The following WBP1L variants were observed in gnomAD, a reference collection of about 807,000 sequenced individuals.
The protein encoded by WBP1L is WW domain binding protein 1 like.
Under a neutral mutation model 33.7 loss-of-function variants are expected in WBP1L, and 17 were observed. The ratio of observed to expected loss-of-function variants is 0.50; its 90% CI spans 0.34 to 0.76. The LOEUF (loss-of-function observed/expected upper bound fraction) is 0.76. WBP1L is among the 30% of genes least tolerant of loss of function. The pLI, the probability that WBP1L is intolerant of heterozygous loss-of-function variation, is 0.01. For missense variants in WBP1L, 389 were observed against 469.4 expected, an observed-to-expected ratio of 0.83 and a Z score of 1.58; for synonymous variants, 173 against 190.8, an observed-to-expected ratio of 0.91 and a Z score of 0.77.
intron 1 of WBP1L, among the ~76,000 whole-genome samples, chr10:102,795,082 A>T (rs1280744935): frequency 6.6e-6 from 1 of 152,168 alleles, no homozygotes; most frequent in Non-Finnish European, 1.5e-5. Context: ...TTTCAACTTT[A>T]TGGTGGTGCA....
In WBP1L at chr10:102,775,087, C is replaced by T. The variant is rs149338785; in HGVS notation, c.91-22906C>T. 1.1e-4 allele frequency among the ~76,000 whole-genome samples: 14 copies of T among 131,998 alleles called. No individual in the cohort carries two copies. In the East Asian group the frequency reaches 1.8e-3, roughly 17 times the overall value. 86.6% of individuals were successfully genotyped at this position (131,998 alleles called of 152,430 possible). ...CCAAGATCATCACACCACTGTACTC[C>T]AGCCTGGGTAACAGAGTGAGACCCT... On this transcript the variant is annotated intron_variant, in intron 1 of 3. Coordinates refer to ENST00000448841, the MANE Select transcript of WBP1L (RefSeq NM_001083913.2).
chr10:102,744,060 A>G lies in WBP1L; in HGVS notation c.7A>G (p.Arg3Gly). The part of the protein sequence containing the change: ME[R>G]RRLLGGMALL... Reference sequence around the variant, plus strand: ...GAGCAGGAGCAGGAGGGGGATGGAGAGGAGAAGGCTCCTGGGTGGCATGGC... The same window carrying G: ...GAGCAGGAGCAGGAGGGGGATGGAGGGGAGAAGGCTCCTGGGTGGCATGGC... The change falls in exon 1 of 4, where the codon AGG becomes GGG. Residue 3 changes from arginine (R) to glycine (G), a missense_variant. Physicochemically the swap from Arg to Gly is moderately radical, Grantham distance 125. Transcript: ENST00000448841. 6.5e-7 allele frequency: 1 copy of G among 1,550,306 alleles called. No homozygotes were observed. Among genetic ancestry groups the G allele is most frequent in the Non-Finnish European group, 8.7e-7 (1 of 1,147,020 alleles).
chr10:102,758,839 G>A (rs770089020), intron 1 of WBP1L, among the ~76,000 whole-genome samples: 45 of 152,248 alleles, frequency 3.0e-4, no homozygotes, highest in Admixed American at 4.6e-4. Context: ...CAGGATAGGG[G>A]GCCCTTCCTT....
chr10:102,771,045 T>C (rs960079006), intron 1 of WBP1L, among the ~76,000 whole-genome samples: 2 of 152,188 alleles, frequency 1.3e-5, no homozygotes, highest in African/African-American at 4.8e-5. Context: ...AATAGCCACA[T>C]CATAGGGTTG....
At chr10:102,769,356 CTTTCTTTTTTT>C (rs1023530813) in intron 1 of WBP1L, among the ~76,000 whole-genome samples, 3 of 134,680 alleles carry the variant, frequency 2.2e-5, no homozygotes, top group Non-Finnish European at 5.0e-5. Context: ...TTTCTTTTTT[CTTTCTTTTTTT>C]TTTTTTTACT....
In WBP1L at chr10:102,813,422, C is replaced by A. The variant is rs1442075805; in HGVS notation, c.*91C>A. The A allele has an allele frequency of 1.4e-6, 2 of 1,457,352 alleles. No individual in the cohort carries two copies. The highest frequency in any genetic ancestry group is 1.4e-5 in the African/African-American group (1 of 70,840). The allele number at this position is 1,457,352 out of a possible 1,614,324, so 90.3% of individuals were successfully genotyped here. A position where few individuals can be genotyped will look rare whatever the true frequency, so the allele number is the denominator to read the frequency against. On this transcript the variant is annotated 3_prime_UTR_variant, in exon 4 of 4. Transcript: ENST00000448841. ...GCATTAAGTGACTTTCAAAGACTTTCAGAGTACAGCCACTTGGTTCCTTTT... is the reference window on the plus strand; with the variant it reads ...GCATTAAGTGACTTTCAAAGACTTTAAGAGTACAGCCACTTGGTTCCTTTT...
At chr10:102,744,424 G>A in intron 1 of WBP1L, 2 of 985,380 alleles carry the variant, frequency 2.0e-6, no homozygotes, top group South Asian at 9.4e-5. Context: ...CTGGATAGCG[G>A]TGCCAAGCTG....
At chr10:102,784,649 C>T (rs973461399) in intron 1 of WBP1L, among the ~76,000 whole-genome samples, 38 of 151,788 alleles carry the variant, frequency 2.5e-4, no homozygotes, top group South Asian at 4.1e-4. Context: ...ATGGTCTCGA[C>T]CTCCTGATCT....
intron 1 of WBP1L, among the ~76,000 whole-genome samples, chr10:102,781,152 G>T (rs542289913): frequency 3.5e-4 from 54 of 152,318 alleles, no homozygotes; most frequent in African/African-American, 1.1e-3. Flanking sequence ...CAACTAGAAT[G>T]TTGCATGGTA....
At chr10:102,771,416 G>A (rs184613483) in intron 1 of WBP1L, among the ~76,000 whole-genome samples, 168 of 152,220 alleles carry the variant, frequency 1.1e-3, no homozygotes, top group African/African-American at 3.7e-3. Context: ...GGGAGGCACG[G>A]TGGCTCAGTC....
chr10:102,761,921 C>T lies in WBP1L; in HGVS notation c.90+17778C>T, dbSNP rs150643627. On this transcript the variant is annotated intron_variant, in intron 1 of 3. Transcript: ENST00000448841. The stretch of plus-strand genomic sequence containing the variant: ...GGAGTGCAGTGGCGTGATCACAGCT[C>T]ACTGTAGCCTCAAACTCCTGAGCTC... Among the ~76,000 whole-genome samples the T allele has an allele frequency of 1.7e-3, 254 of 152,240 alleles. 2 individuals are homozygous for T. The highest frequency in any genetic ancestry group is 3.1e-3 in the Non-Finnish European group (208 of 68,002).
At chr10:102,744,651 C>G (rs1291656982) in intron 1 of WBP1L, among the ~76,000 whole-genome samples, 3 of 152,118 alleles carry the variant, frequency 2.0e-5, no homozygotes, top group Non-Finnish European at 4.4e-5. Context: ...GACTTGGCCC[C>G]ATTTTAAAAT....
chr10:102,793,946 A>AT (rs538026638), intron 1 of WBP1L, among the ~76,000 whole-genome samples: 3 of 151,828 alleles, frequency 2.0e-5, no homozygotes, highest in Admixed American at 6.6e-5. Flanking sequence ...TTGTATTATT[A>AT]TTTTTTTGGT....
At chr10:102,757,637 G>A (rs1842992808) in intron 1 of WBP1L, among the ~76,000 whole-genome samples, 1 of 140,336 alleles carries the variant, frequency 7.1e-6, no homozygotes, top group African/African-American at 2.7e-5. Flanking sequence ...GAGTGCAGTG[G>A]CATGATCATA....
chr10:102,799,397 A>G (rs1382280696), intron 2 of WBP1L, among the ~76,000 whole-genome samples: 1 of 151,914 alleles, frequency 6.6e-6, no homozygotes, highest in African/African-American at 2.4e-5. Flanking sequence ...AGCCAGAACC[A>G]CTTGCTTCTT....
At chr10:102,775,693 G>A (rs2482498) in intron 1 of WBP1L, among the ~76,000 whole-genome samples, 1 of 151,886 alleles carries the variant, frequency 6.6e-6, no homozygotes, top group East Asian at 1.9e-4. Context: ...CCAAGCCCCC[G>A]CTGCGAATTG....
At position 102,744,151 on chromosome 10, in the gene WBP1L, G is replaced by A; in HGVS notation, c.90+8G>A. On this transcript the variant is annotated splice_region_variant and intron_variant, in intron 1 of 3. Coordinates refer to ENST00000448841, the MANE Select transcript of WBP1L (RefSeq NM_001083913.2). ...AGGGCTGAACCCCCGCAGGTAAGGGGGAGGGGGCGTCTGGGCCATGTTGGG... is the reference window on the plus strand; with the variant it reads ...AGGGCTGAACCCCCGCAGGTAAGGGAGAGGGGGCGTCTGGGCCATGTTGGG... 1.3e-6 allele frequency: 2 copies of A among 1,547,530 alleles called. No homozygotes were observed. Among genetic ancestry groups the A allele is most frequent in the Admixed American group, 2.0e-5 (1 of 50,766 alleles).
Position 102,813,155 on chromosome 10 carries a change from G to A in WBP1L, c.916G>A (p.Asp306Asn), listed in dbSNP as rs759343143. Residue 306 changes from aspartate to asparagine, a missense_variant, in exon 4 of 4, where the codon GAC becomes AAC. Physicochemically the swap from Asp to Asn is conservative, Grantham distance 23. Transcript: ENST00000448841. ...DALDGPLDFC[D>N]SCHVRPPGDE... ...TCTGGATGGGCCCCTGGACTTCTGC[G>A]ACAGCTGCCATGTGCGGCCCCCTGG... 8.1e-6 allele frequency: 13 copies of A among 1,613,850 alleles called. No individual in the cohort carries two copies. The highest frequency in any genetic ancestry group is 4.4e-5 in the South Asian group (4 of 91,078).
chr10:102,784,773 C>T lies in WBP1L; in HGVS notation c.91-13220C>T, dbSNP rs367994422. 2.3e-3 allele frequency among the ~76,000 whole-genome samples: 349 copies of T among 151,630 alleles called. 2 individuals carry two copies. Among genetic ancestry groups the T allele is most frequent in the African/African-American group, 8.2e-3 (339 of 41,354 alleles). On this transcript the variant is annotated intron_variant, in intron 1 of 3. Coordinates refer to ENST00000448841, the MANE Select transcript of WBP1L (RefSeq NM_001083913.2). ...ATGAGGTCACGCTTTTTTGCCCAGG[C>T]TGGTCTCAAACTCCTGGGCTCAAGC...
Sources: gnomAD v4.1 joint callset for allele counts (sites outside exome capture counted in the v4.1 genomes callset) on GRCh38, gnomAD v4.1.1 for gene constraint, MANE v1.5 for transcripts, NCBI Gene and HGNC (gene_info 2026-07-23, HGNC 2026-07-21) for gene names.